The following RILPL1 variants were observed in gnomAD, a reference collection of about 807,000 sequenced individuals.
RILPL1 encodes the protein RILP-like protein 1.
A neutral mutation model predicts 50.3 loss-of-function variants in RILPL1; 33 were observed. That is an observed-to-expected ratio of 0.66 (90% confidence interval 0.50 to 0.88). The LOEUF (loss-of-function observed/expected upper bound fraction) is 0.88. Ranked by LOEUF, RILPL1 falls within the 40% of genes least tolerant of loss-of-function variation. The pLI is 0.00. For missense variants in RILPL1, 418 were observed against 542.5 expected (o/e 0.77, Z 2.28); for synonymous variants, 205 against 228.6 (o/e 0.90, Z 0.93).
rs1883223013 is a variant in RILPL1 at position 123,499,357 on chromosome 12, G to A, written c.579+61C>T. On this transcript the variant is annotated intron_variant, in intron 3 of 6. Transcript: ENST00000376874. ...AAGGGGCCTGCTGAGTGGAGGGTCT[G>A]GTCTCTGGCTGGCACCTACTGGCTG... is the stretch of plus-strand genomic sequence containing the variant. 3 of 1,145,390 alleles carry A rather than the reference G, an allele frequency of 2.6e-6. No individual in the cohort carries two copies. In the East Asian group the frequency reaches 7.1e-5, roughly 27 times the overall value. 71.0% of individuals were successfully genotyped at this position (1,145,390 alleles called of 1,614,324 possible).
At chr12:123,476,101 C>T (rs1028227255) in intron 6 of RILPL1, 3 of 194,802 alleles carry the variant, frequency 1.5e-5, no homozygotes, top group Non-Finnish European at 3.0e-5. Context: ...GACAGGGTTT[C>T]ACCATGTTGG....
chr12:123,533,478 T>G lies in RILPL1; in HGVS notation c.5A>C (p.Glu2Ala), dbSNP rs2139398819. The stretch of plus-strand genomic sequence containing the variant: ...CGCCAGCGCCGACCCCCGCTCCTCC[T>G]CCATGGCCACCCTCCTGGCCTGTCC... MEEERGSALAAE... is the reference protein window; with the variant it reads MAEERGSALAAE... Residue 2 changes from glutamate to alanine, a missense_variant, in exon 1 of 7, where the codon GAG (glutamate) becomes GCG (alanine). By Grantham distance (107) the Glu-to-Ala change is moderately radical (BLOSUM62 -1). Transcript: ENST00000376874. The surrounding 1 kb of genome is among the most constrained non-coding windows in gnomAD (Gnocchi z 6.2). 6.6e-7 allele frequency: 1 copy of G among 1,524,102 alleles called. No individual in the cohort carries two copies. The highest frequency in any genetic ancestry group is 2.5e-5 in the East Asian group (1 of 40,386). 94.4% of individuals were successfully genotyped at this position (1,524,102 alleles called of 1,614,324 possible).
chr12:123,507,159 C>T (rs921901645), intron 2 of RILPL1, among the ~76,000 whole-genome samples: 2 of 152,180 alleles, frequency 1.3e-5, no homozygotes, highest in African/African-American at 4.8e-5. Context: ...AGCTCACACA[C>T]GCACTCTAGC....
At chr12:123,503,295 G>A (rs537670307) in intron 2 of RILPL1, among the ~76,000 whole-genome samples, 27 of 140,282 alleles carry the variant, frequency 1.9e-4, no homozygotes, top group African/African-American at 6.7e-4. Flanking sequence ...CTGTCTCCCC[G>A]GTTCAAGCGA....
At chr12:123,473,884 A>ATTTAT (rs1566110228) in intron 6 of RILPL1, 1 of 151,700 alleles carries the variant, frequency 6.6e-6, no homozygotes, top group Non-Finnish European at 1.5e-5. Context: ...AAGGTAGTCC[A>ATTTAT]TTTATTTTTA....
At chr12:123,507,965 A>AAAAG (rs1883859399) in intron 2 of RILPL1, among the ~76,000 whole-genome samples, 1 of 151,056 alleles carries the variant, frequency 6.6e-6, no homozygotes, top group Non-Finnish European at 1.5e-5. Context: ...AAAAAAAAAA[A>AAAAG]AAAAGAAAAG....
At chr12:123,488,938 A>C (rs1006221699) in intron 4 of RILPL1, among the ~76,000 whole-genome samples, 1 of 152,210 alleles carries the variant, frequency 6.6e-6, no homozygotes, top group Non-Finnish European at 1.5e-5. Context: ...CTCAGAGGAC[A>C]TCTTCAATGT....
chr12:123,493,826 C>T (rs1189458449), intron 4 of RILPL1, among the ~76,000 whole-genome samples: 2 of 149,190 alleles, frequency 1.3e-5, no homozygotes, highest in East Asian at 2.0e-4. Context: ...GCTCTGTCGT[C>T]CAGGCTGGAG....
At chr12:123,478,830 G>A (rs1329788438) in intron 6 of RILPL1, among the ~76,000 whole-genome samples, 1 of 152,210 alleles carries the variant, frequency 6.6e-6, no homozygotes, top group South Asian at 2.1e-4. Context: ...ACGCAAAAGG[G>A]GGCACTGGTG....
intron 2 of RILPL1, among the ~76,000 whole-genome samples, chr12:123,511,526 TG>T (rs1884203525): frequency 7.8e-6 from 1 of 127,484 alleles, no homozygotes; most frequent in Non-Finnish European, 1.7e-5. Flanking sequence ...GGTCTGTGTG[TG>T]GTGTGTGTGA....
intron 2 of RILPL1, among the ~76,000 whole-genome samples, chr12:123,500,976 C>T (rs555391568): frequency 2.0e-5 from 3 of 151,832 alleles, no homozygotes; most frequent in South Asian, 2.1e-4. Flanking sequence ...GCTATGGTGG[C>T]GGGCACCTGT....
At chr12:123,487,446 A>G (rs1302323107) in intron 4 of RILPL1, among the ~76,000 whole-genome samples, 1 of 152,088 alleles carries the variant, frequency 6.6e-6, no homozygotes, top group Non-Finnish European at 1.5e-5. Context: ...AGCTGGGAAT[A>G]CAGGCACCCG....
chr12:123,481,559 CTTTTT>C (rs113872165), intron 6 of RILPL1, among the ~76,000 whole-genome samples: 1 of 141,902 alleles, frequency 7.0e-6, no homozygotes, highest in South Asian at 2.3e-4. Flanking sequence ...AATTTGTTTT[CTTTTT>C]TTTTTTTTTG....
In RILPL1 at chr12:123,522,400, G is replaced by A. The variant is rs1885101317; in HGVS notation, c.460+1095C>T. Among the ~76,000 whole-genome samples the A allele has an allele frequency of 6.6e-6, 1 of 152,238 alleles. No homozygotes were observed. Among genetic ancestry groups the A allele is most frequent in the Non-Finnish European group, 1.5e-5 (1 of 68,040 alleles). ...ACAAGTGCTTATTGGATAAGTGACA[G>A]TTCAGGGGCTCCAGTGCCATTCAGG... On this transcript the variant is annotated intron_variant, in intron 2 of 6. Transcript: ENST00000376874. This position sits in a 1 kb window ranked among gnomAD's most constrained non-coding sequence, Gnocchi z 4.0.
chr12:123,483,158 T>G (rs908249769), intron 6 of RILPL1, among the ~76,000 whole-genome samples: 20 of 149,764 alleles, frequency 1.3e-4, no homozygotes, highest in Admixed American at 6.7e-4. Context: ...TACTAAGCCT[T>G]GGATAGAACT....
At chr12:123,512,650 GGTGTGAGAGCTGTGT>G (rs1884411481) in intron 2 of RILPL1, among the ~76,000 whole-genome samples, 1 of 139,342 alleles carries the variant, frequency 7.2e-6, no homozygotes. Context: ...GTCTGTGTGT[GGTGTGAGAGCTGTGT>G]GTGTGTGAGG....
At chr12:123,510,929 G>T (rs1884099375) in intron 2 of RILPL1, among the ~76,000 whole-genome samples, 2 of 141,368 alleles carry the variant, frequency 1.4e-5, no homozygotes, top group Admixed American at 1.4e-4. Flanking sequence ...GTGTGTGTGT[G>T]GTGTGTGTAA....
intron 1 of RILPL1, among the ~76,000 whole-genome samples, chr12:123,532,866 T>A (rs1885487909): frequency 6.6e-6 from 1 of 152,192 alleles, no homozygotes; most frequent in Admixed American, 6.5e-5. Context: ...CTATTATGAT[T>A]ACCATTTGAC....
chr12:123,526,464 A>C (rs1885261940), intron 1 of RILPL1, among the ~76,000 whole-genome samples: 1 of 152,142 alleles, frequency 6.6e-6, no homozygotes, highest in South Asian at 2.1e-4. Flanking sequence ...ACAAATGAGG[A>C]AACTAGTGTG....
Sources: gnomAD v4.1 joint callset for allele counts (sites outside exome capture counted in the v4.1 genomes callset) on GRCh38, gnomAD v4.1.1 for gene constraint, Gnocchi (gnomAD v3.1) non-coding constraint, MANE v1.5 for transcripts, NCBI Gene and HGNC (gene_info 2026-07-23, HGNC 2026-07-21) for gene names.